RNF150: variants seen among roughly 807,000 people sequenced by gnomAD.
The protein encoded by RNF150 is ring finger protein 150.
RNF150 carries 24 observed loss-of-function variants against 39.3 expected under a neutral mutation model. The ratio of observed to expected loss-of-function variants is 0.61; its 90% confidence interval spans 0.44 to 0.86. RNF150 has a LOEUF of 0.86. Among genes scored for constraint, RNF150 ranks in the 40% least tolerant of loss-of-function variants. The pLI is 0.00. For synonymous variants in RNF150, 255 were observed against 227.3 expected (o/e 1.12, Z -1.10); for missense variants, 502 against 587.8 (o/e 0.85, Z 1.51).
At chr4:141,095,269 T>G (rs1480187032) in intron 1 of RNF150, among the ~76,000 whole-genome samples, 1 of 152,158 alleles carries the variant, frequency 6.6e-6, no homozygotes, top group African/African-American at 2.4e-5. Context: ...TTGTACTCAG[T>G]AGTGAGCTCT....
At chr4:140,913,574 C>T (rs924431964) in intron 5 of RNF150, among the ~76,000 whole-genome samples, 5 of 152,174 alleles carry the variant, frequency 3.3e-5, no homozygotes, top group Admixed American at 6.5e-5. Context: ...CCAGTGTCCC[C>T]TTTTCTAAGG....
chr4:140,992,429 A>G (rs547363134), intron 1 of RNF150, among the ~76,000 whole-genome samples: 5 of 150,644 alleles, frequency 3.3e-5, no homozygotes, highest in African/African-American at 7.5e-5. Flanking sequence ...GGGAATGGGG[A>G]AAAAAAAGGA....
rs770868340 is a variant in RNF150, at chr4:140,866,452, G to C, written c.*1809C>G. The C allele has an allele frequency of 2.0e-5, 3 of 152,206 alleles. No homozygotes were observed. Among genetic ancestry groups the C allele is most frequent in the Non-Finnish European group, 2.9e-5 (2 of 68,046 alleles). The allele number at this position is 152,206 out of a possible 1,614,324, so 9.4% of individuals were successfully genotyped here. A position where few individuals can be genotyped will look rare whatever the true frequency, so the allele number is the denominator to read the frequency against. On this transcript the variant is annotated 3_prime_UTR_variant, in exon 7 of 7. Transcript: ENST00000515673. The stretch of plus-strand genomic sequence containing the variant: ...CTGCCTCTTTTCCCACACATAGAGA[G>C]TGGATTTCATTACAGGAAGCATTGG...
At position 140,863,852 on chromosome 4, in the gene RNF150, G is replaced by A. The variant is rs1422537452; in HGVS notation, c.*4409C>T. On this transcript the variant is annotated 3_prime_UTR_variant, in exon 7 of 7. Transcript: ENST00000515673. ...GATTTAAGGATTTTTTTTTAAGTCA[G>A]GGTGATACATTCAATGGATAACTAA... The A allele has an allele frequency of 6.6e-6, 1 of 152,098 alleles. No homozygotes were observed. The highest frequency in any genetic ancestry group is 1.5e-5 in the Non-Finnish European group (1 of 68,020). The allele number at this position is 152,098 out of a possible 1,614,324, so 9.4% of individuals were successfully genotyped here.
intron 1 of RNF150, among the ~76,000 whole-genome samples, chr4:140,991,527 TG>T (rs1734197765): frequency 1.3e-5 from 2 of 152,168 alleles, no homozygotes; most frequent in African/African-American, 2.4e-5. Flanking sequence ...AATTTTTGTT[TG>T]GAATATCATT....
chr4:140,975,427 G>A (rs1733627449), intron 1 of RNF150, among the ~76,000 whole-genome samples: 1 of 152,102 alleles, frequency 6.6e-6, no homozygotes, highest in Non-Finnish European at 1.5e-5. Flanking sequence ...CAGGGAAGAT[G>A]GAGGCAAGAC....
intron 6 of RNF150, among the ~76,000 whole-genome samples, chr4:140,903,900 T>C (rs1456479490): frequency 6.6e-6 from 1 of 152,228 alleles, no homozygotes; most frequent in African/African-American, 2.4e-5. Context: ...TGTTTGTGAA[T>C]CTGCAGATCC....
chr4:141,054,495 C>T (rs902075985), intron 1 of RNF150, among the ~76,000 whole-genome samples: 7 of 151,974 alleles, frequency 4.6e-5, no homozygotes, highest in East Asian at 1.9e-4. Flanking sequence ...GAATTTTGGA[C>T]GTACCACCAA....
intron 1 of RNF150, among the ~76,000 whole-genome samples, chr4:141,035,896 C>T (rs1036905281): frequency 6.6e-6 from 1 of 151,996 alleles, no homozygotes; most frequent in East Asian, 1.9e-4. Flanking sequence ...ATTTGAAAAA[C>T]GAAATAACAC....
intron 1 of RNF150, among the ~76,000 whole-genome samples, chr4:141,119,117 G>A (rs990063996): frequency 6.6e-6 from 1 of 152,070 alleles, no homozygotes; most frequent in Non-Finnish European, 1.5e-5. Flanking sequence ...ATAACAAAAG[G>A]CTAATGCTAC....
intron 1 of RNF150, among the ~76,000 whole-genome samples, chr4:141,069,669 G>A (rs371379299): frequency 2.7e-5 from 4 of 150,940 alleles, no homozygotes; most frequent in South Asian, 2.1e-4. Context: ...GGTAGAATTC[G>A]GCTGTGAATC....
intron 1 of RNF150, among the ~76,000 whole-genome samples, chr4:141,121,577 T>C (rs1310992888): frequency 1.3e-5 from 2 of 152,200 alleles, no homozygotes; most frequent in African/African-American, 4.8e-5. Flanking sequence ...CACTTCTGAC[T>C]CATTATCGTA....
chr4:140,951,931 T>C (rs1441877229), intron 2 of RNF150, among the ~76,000 whole-genome samples: 6 of 152,220 alleles, frequency 3.9e-5, no homozygotes, highest in Non-Finnish European at 8.8e-5. Flanking sequence ...AAAAAAATTT[T>C]TTTTGAAGAC....
At chr4:140,956,643 G>C (rs945488328) in intron 2 of RNF150, among the ~76,000 whole-genome samples, 1 of 152,110 alleles carries the variant, frequency 6.6e-6, no homozygotes, top group Admixed American at 6.5e-5. Context: ...CACACTACCT[G>C]ACTTCAAACT....
chr4:141,003,610 T>TACACACACACAC (rs1370495459), intron 1 of RNF150, among the ~76,000 whole-genome samples: 1 of 125,060 alleles, frequency 8.0e-6, no homozygotes, highest in African/African-American at 3.1e-5. Flanking sequence ...CACACACACG[T>TACACACACACAC]GTGCACACTC....
chr4:141,104,595 G>A (rs572445447), intron 1 of RNF150, among the ~76,000 whole-genome samples: 4 of 152,226 alleles, frequency 2.6e-5, no homozygotes, highest in East Asian at 1.9e-4. Flanking sequence ...CTCTGAAGCC[G>A]ACAACAAATG....
At chr4:141,091,255 G>A (rs919286034) in intron 1 of RNF150, among the ~76,000 whole-genome samples, 13 of 152,204 alleles carry the variant, frequency 8.5e-5, no homozygotes, top group Admixed American at 8.5e-4. Context: ...GGACTGATGT[G>A]AGGATTAAAT....
At chr4:141,176,281 G>A (rs1382888396) in intron 1 of RNF150, among the ~76,000 whole-genome samples, 2 of 151,944 alleles carry the variant, frequency 1.3e-5, no homozygotes, top group Admixed American at 6.6e-5. Context: ...CCCTTCCAAA[G>A]GCCCAACCTC....
At chr4:141,159,735 G>T (rs1332387209) in intron 1 of RNF150, among the ~76,000 whole-genome samples, 1 of 152,048 alleles carries the variant, frequency 6.6e-6, no homozygotes, top group Non-Finnish European at 1.5e-5. Context: ...TAAACGCAGG[G>T]TTTCGTCATG....
Sources: gnomAD v4.1 joint callset for allele counts (sites outside exome capture counted in the v4.1 genomes callset) on GRCh38, gnomAD v4.1.1 for gene constraint, MANE v1.5 for transcripts, NCBI Gene and HGNC (gene_info 2026-07-23, HGNC 2026-07-21) for gene names.